VPS13A: variants seen among roughly 807,000 people sequenced by gnomAD.
The protein encoded by VPS13A is intermembrane lipid transfer protein VPS13A.
In VPS13A, 264 loss-of-function variants were observed where a neutral mutation model predicts 390.9. The ratio of observed to expected loss-of-function variants is 0.68; its 90% CI spans 0.61 to 0.75. The LOEUF (loss-of-function observed/expected upper bound fraction) is 0.75, where lower values mean the gene tolerates loss of function less well. Ranked by LOEUF, VPS13A falls within the 30% of genes least tolerant of loss-of-function variation. The probability of loss-of-function intolerance (pLI) is 0.00; values close to 1 mark genes in which losing one functional copy is unlikely to be tolerated. For missense variants in VPS13A, 3,409 were observed against 3,733.9 expected (o/e 0.91, Z 2.27); for synonymous variants, 1,231 against 1,227.1 (o/e 1.00, Z -0.07).
chr9:77,248,558 A>G (rs1312432635), intron 20 of VPS13A, among the ~76,000 whole-genome samples: 1 of 151,736 alleles, frequency 6.6e-6, no homozygotes, highest in Non-Finnish European at 1.5e-5. Context: ...CCAAATTTTC[A>G]GTAGAGAATA....
At chr9:77,281,753 A>G (rs1827039876) in intron 27 of VPS13A, 114 bp from the exon 28 acceptor site, 1 of 600,530 alleles carries the variant, frequency 1.7e-6, no homozygotes, top group Non-Finnish European at 3.0e-6. Flanking sequence ...ATATATATAT[A>G]TATATGTATA....
intron 13 of VPS13A, among the ~76,000 whole-genome samples, chr9:77,225,437 G>C (rs549547853): frequency 6.6e-6 from 1 of 152,170 alleles, no homozygotes; most frequent in African/African-American, 2.4e-5. Context: ...GTTTTGTAGA[G>C]GTTTTGCAGT....
chr9:77,409,463 A>T (rs1470361753), intron 71 of VPS13A, among the ~76,000 whole-genome samples: 3 of 152,242 alleles, frequency 2.0e-5, no homozygotes, highest in African/African-American at 7.2e-5. Flanking sequence ...GACTTTGACA[A>T]GTTGAGAGAA....
chr9:77,392,494 G>C (rs1002965411), intron 68 of VPS13A, among the ~76,000 whole-genome samples: 2 of 152,014 alleles, frequency 1.3e-5, no homozygotes, highest in African/African-American at 4.8e-5. Context: ...GTAAAAGAGA[G>C]ATAATTGTAG....
intron 20 of VPS13A, among the ~76,000 whole-genome samples, chr9:77,249,767 T>G (rs527283564): frequency 6.6e-6 from 1 of 152,224 alleles, no homozygotes; most frequent in Non-Finnish European, 1.5e-5. Flanking sequence ...AAACATTTTA[T>G]AAGCTAAATT....
At chr9:77,395,634 G>T (rs550249234) in intron 68 of VPS13A, 1 of 152,010 alleles carries the variant, frequency 6.6e-6, no homozygotes, top group Non-Finnish European at 1.5e-5. Context: ...ATAAAATGGA[G>T]TATAATAAAA....
chr9:77,308,242 T>C (rs994849678), intron 35 of VPS13A, 144 bp downstream of exon 35: 4 of 935,194 alleles, frequency 4.3e-6, no homozygotes, highest in Non-Finnish European at 6.6e-6. Context: ...TCTTTTTGTT[T>C]AGTTTGGGCA....
At chr9:77,384,646 A>G in intron 68 of VPS13A, 1 of 1,599,772 alleles carries the variant, frequency 6.3e-7, no homozygotes, top group Non-Finnish European at 8.5e-7. Flanking sequence ...GATGATGATG[A>G]TGATGATGAT....
In VPS13A at chr9:77,273,440, A is replaced by G. The variant is rs577310667; in HGVS notation, c.2512+76A>G. ...CTGTTTTGAGGCATATTTTTCTCAA[A>G]GGACCACACAGAGGAAGGAAAATAT... On this transcript the variant is annotated intron_variant, in intron 24 of 71. Transcript: ENST00000360280. 23 of 1,193,618 alleles carry G rather than the reference A, an allele frequency of 1.9e-5. No individual in the cohort carries two copies. The South Asian group carries it at 3.3e-4, about 17-fold the overall frequency. The allele number at this position is 1,193,618 out of a possible 1,614,324, so 73.9% of individuals were successfully genotyped here.
At chr9:77,272,264 G>A (rs1826392779) in intron 23 of VPS13A, among the ~76,000 whole-genome samples, 2 of 152,160 alleles carry the variant, frequency 1.3e-5, no homozygotes, top group South Asian at 4.1e-4. Flanking sequence ...GATAGAAACT[G>A]TGCTGCTGGT....
At chr9:77,195,743 GAAAAAA>G (rs958564496) in intron 1 of VPS13A, among the ~76,000 whole-genome samples, 1 of 149,562 alleles carries the variant, frequency 6.7e-6, no homozygotes, top group Admixed American at 6.6e-5. Flanking sequence ...TCTCAAAAAA[GAAAAAA>G]AAAGAAAACG....
At chr9:77,372,552 G>A (rs1832835744) in intron 67 of VPS13A, among the ~76,000 whole-genome samples, 1 of 152,082 alleles carries the variant, frequency 6.6e-6, no homozygotes, top group South Asian at 2.1e-4. Context: ...AAAACTGGAA[G>A]CATTCCCTTT....
At chr9:77,275,805 C>T (rs1223517619) in intron 25 of VPS13A, among the ~76,000 whole-genome samples, 153 bp downstream of exon 25, 5 of 148,186 alleles carry the variant, frequency 3.4e-5, no homozygotes, top group Admixed American at 3.3e-4. Flanking sequence ...CACTCCCCGC[C>T]CCCCCCTTTT....
chr9:77,378,089 G>T (rs1833204775), intron 67 of VPS13A, among the ~76,000 whole-genome samples: 1 of 152,078 alleles, frequency 6.6e-6, no homozygotes, highest in African/African-American at 2.4e-5. Context: ...ATTTTTGCAT[G>T]TATATTTATA....
At chr9:77,409,644 T>A (rs1173099660) in intron 71 of VPS13A, among the ~76,000 whole-genome samples, 1 of 151,160 alleles carries the variant, frequency 6.6e-6, no homozygotes, top group East Asian at 2.1e-4. Flanking sequence ...GAGAACTAAG[T>A]GACGAATGCA....
chr9:77,247,188 A>G (rs1824866962), intron 19 of VPS13A, 71 bp from the exon 20 acceptor site: 12 of 1,283,442 alleles, frequency 9.3e-6, no homozygotes, highest in African/African-American at 1.5e-5. Context: ...ATCAGTTCAT[A>G]TATTTAGTGA....
intron 1 of VPS13A, among the ~76,000 whole-genome samples, chr9:77,180,060 A>G (rs1278895349): frequency 6.6e-6 from 1 of 152,202 alleles, no homozygotes; most frequent in Non-Finnish European, 1.5e-5. Context: ...TTAGGGTTGA[A>G]TAATATTCCA....
In VPS13A at chr9:77,295,985, A is replaced by G. The variant is rs1827974424; in HGVS notation, c.3812+139A>G. On this transcript the variant is annotated intron_variant, in intron 33 of 71. Transcript: ENST00000360280. ...TAACTTAGTGATTCTCTCTTCCTTA[A>G]GTATATTTTGGCAAAATCAATTATA... 4 of 970,916 alleles carry G rather than the reference A, an allele frequency of 4.1e-6. No homozygotes were observed. In the South Asian group the frequency reaches 7.4e-5, roughly 18 times the overall value. The allele number at this position is 970,916 out of a possible 1,614,324, so 60.1% of individuals were successfully genotyped here.
At chr9:77,312,423 A>ATTTTTTTTTTTTTTTTTTTT (rs200809406) in intron 35 of VPS13A, among the ~76,000 whole-genome samples, 2 of 146,630 alleles carry the variant, frequency 1.4e-5, no homozygotes, top group Non-Finnish European at 3.0e-5. Context: ...TGTTCATATA[A>ATTTTTTTTTTTTTTTTTTTT]TTTTTTTTTT....
Sources: gnomAD v4.1 joint callset for allele counts (sites outside exome capture counted in the v4.1 genomes callset) on GRCh38, gnomAD v4.1.1 for gene constraint, MANE v1.5 for transcripts, NCBI Gene and HGNC (gene_info 2026-07-23, HGNC 2026-07-21) for gene names.